Variants in SGCZ observed in about 807,000 individuals in gnomAD.
The protein encoded by SGCZ is zeta-sarcoglycan.
SGCZ carries 40 observed loss-of-function variants against 41.3 expected under a neutral mutation model. The observed-to-expected ratio is 0.97, with a 90% CI of 0.75 to 1.26. SGCZ has a LOEUF of 1.26. SGCZ is among the 50% of genes most tolerant of loss of function. SGCZ has a pLI of 0.00. For missense variants in SGCZ, 552 were observed against 369.8 expected, an observed-to-expected ratio of 1.49 and a Z score of -4.04; for synonymous variants, 206 against 137.5, an observed-to-expected ratio of 1.50 and a Z score of -3.49.
At chr8:14,739,024 G>A (rs905508061) in intron 1 of SGCZ, among the ~76,000 whole-genome samples, 7 of 152,144 alleles carry the variant, frequency 4.6e-5, no homozygotes, top group Admixed American at 3.3e-4. Context: ...GCTTTTAATT[G>A]TGTTAGTTGT....
intron 2 of SGCZ, among the ~76,000 whole-genome samples, chr8:14,497,829 G>T (rs1802037434): frequency 6.6e-6 from 1 of 152,058 alleles, no homozygotes; most frequent in African/African-American, 2.4e-5. Flanking sequence ...AACTATATCA[G>T]GAATATACAC....
At chr8:14,821,399 A>T (rs374018044) in intron 1 of SGCZ, among the ~76,000 whole-genome samples, 1 of 152,094 alleles carries the variant, frequency 6.6e-6, no homozygotes, top group Admixed American at 6.5e-5. Context: ...CATTAAAAGA[A>T]CTAATACCAA....
At chr8:14,728,184 C>T (rs1214145640) in intron 1 of SGCZ, among the ~76,000 whole-genome samples, 2 of 151,918 alleles carry the variant, frequency 1.3e-5, no homozygotes, top group Non-Finnish European at 2.9e-5. Context: ...CAAAATGCAT[C>T]GAAGCAAACA....
At chr8:14,997,221 G>C (rs947779411) in intron 1 of SGCZ, among the ~76,000 whole-genome samples, 1 of 152,114 alleles carries the variant, frequency 6.6e-6, no homozygotes, top group Non-Finnish European at 1.5e-5. Context: ...TAGGTTAATA[G>C]TATTCGATTC....
intron 2 of SGCZ, among the ~76,000 whole-genome samples, chr8:14,472,511 C>G (rs980315194): frequency 1.3e-5 from 2 of 152,070 alleles, no homozygotes; most frequent in Admixed American, 6.5e-5. Flanking sequence ...TTTTAACACA[C>G]AGAAAGACCC....
intron 3 of SGCZ, among the ~76,000 whole-genome samples, chr8:14,240,779 T>G (rs1023604682): frequency 6.6e-6 from 1 of 152,228 alleles, no homozygotes; most frequent in Non-Finnish European, 1.5e-5. Flanking sequence ...GTATTTTATA[T>G]CAATACCATA....
chr8:14,699,473 A>T (rs935144608), intron 1 of SGCZ, among the ~76,000 whole-genome samples: 1 of 150,948 alleles, frequency 6.6e-6, no homozygotes, highest in African/African-American at 2.5e-5. Context: ...TACTCAAAAT[A>T]GATCAAAAAT....
chr8:14,723,400 C>A (rs545721661), intron 1 of SGCZ, among the ~76,000 whole-genome samples: 1 of 152,274 alleles, frequency 6.6e-6, no homozygotes, highest in South Asian at 2.1e-4. Flanking sequence ...GGGATCCTAG[C>A]TGCAGAGGAC....
chr8:15,018,839 G>T (rs1327156875), intron 1 of SGCZ, among the ~76,000 whole-genome samples: 1 of 152,210 alleles, frequency 6.6e-6, no homozygotes, highest in Admixed American at 6.5e-5. Flanking sequence ...GGCTGTACAG[G>T]AAGCATGGCT....
chr8:14,996,019 TCAG>T (rs1215546065), intron 1 of SGCZ, among the ~76,000 whole-genome samples: 1 of 152,098 alleles, frequency 6.6e-6, no homozygotes, highest in East Asian at 1.9e-4. Context: ...TTCTCCTGCC[TCAG>T]CCTCCCGAGT....
intron 1 of SGCZ, among the ~76,000 whole-genome samples, chr8:15,019,557 C>T (rs916194452): frequency 2.6e-5 from 4 of 151,960 alleles, no homozygotes. Context: ...TCAGTCCCTT[C>T]CTTTCAGCTT....
chr8:15,121,900 C>CAAAAAAAAA (rs55783598), intron 1 of SGCZ, among the ~76,000 whole-genome samples: 1 of 126,316 alleles, frequency 7.9e-6, no homozygotes, highest in African/African-American at 3.1e-5. Context: ...CGGCAGTTAC[C>CAAAAAAAAA]AAAAAAAAAA....
intron 1 of SGCZ, among the ~76,000 whole-genome samples, chr8:14,660,301 G>A (rs1472475547): frequency 6.6e-6 from 1 of 151,952 alleles, no homozygotes; most frequent in African/African-American, 2.4e-5. Context: ...GCTGGGCACA[G>A]TGGCTCATGC....
intron 2 of SGCZ, among the ~76,000 whole-genome samples, chr8:14,443,414 T>A (rs916009750): frequency 8.5e-5 from 13 of 152,094 alleles, no homozygotes; most frequent in Non-Finnish European, 1.0e-4. Context: ...CAAACTATAC[T>A]ACAAGGCTAC....
At chr8:15,045,047 A>G (rs1219077863) in intron 1 of SGCZ, among the ~76,000 whole-genome samples, 1 of 152,040 alleles carries the variant, frequency 6.6e-6, no homozygotes, top group East Asian at 1.9e-4. Flanking sequence ...TCAGATATAT[A>G]AGCCATGTAC....
intron 1 of SGCZ, among the ~76,000 whole-genome samples, chr8:14,641,255 A>G (rs1337381710): frequency 2.6e-5 from 4 of 151,740 alleles, no homozygotes; most frequent in Non-Finnish European, 5.9e-5. Flanking sequence ...CAGCAAAAGC[A>G]ACAAAACACA....
At chr8:15,101,242 T>C (rs747179188) in intron 1 of SGCZ, among the ~76,000 whole-genome samples, 2 of 152,182 alleles carry the variant, frequency 1.3e-5, no homozygotes, top group Non-Finnish European at 1.5e-5. Flanking sequence ...TAAAAAATTG[T>C]TGTAATTAAA....
At chr8:14,885,057 T>C (rs1804736842) in intron 1 of SGCZ, among the ~76,000 whole-genome samples, 1 of 152,214 alleles carries the variant, frequency 6.6e-6, no homozygotes, top group Non-Finnish European at 1.5e-5. Context: ...TGTTTTCAAA[T>C]GTCACCTTCT....
chr8:14,594,296 T>C (rs1805338181), intron 1 of SGCZ, among the ~76,000 whole-genome samples: 1 of 152,018 alleles, frequency 6.6e-6, no homozygotes, highest in Non-Finnish European at 1.5e-5. Flanking sequence ...GATTTGCATC[T>C]TTATCAAGTT....
Sources: gnomAD v4.1 joint callset for allele counts (sites outside exome capture counted in the v4.1 genomes callset) on GRCh38, gnomAD v4.1.1 for gene constraint, MANE v1.5 for transcripts, NCBI Gene and HGNC (gene_info 2026-07-23, HGNC 2026-07-21) for gene names.